The following AFF3 variants were observed in gnomAD, a reference collection of about 807,000 sequenced individuals.
The protein encoded by AFF3 is AF4/FMR2 family member 3.
In AFF3, 32 loss-of-function variants were observed where a neutral mutation model predicts 129.7. That is an observed-to-expected ratio of 0.25 (90% CI 0.19 to 0.33). The LOEUF is 0.33. Among genes scored for constraint, AFF3 ranks in the 10% least tolerant of loss-of-function variants. The probability of loss-of-function intolerance (pLI) is 1.00; values close to 1 mark genes in which losing one functional copy is unlikely to be tolerated. For missense variants in AFF3, 1,373 were observed against 1,592.0 expected (o/e 0.86, Z 2.34); for synonymous variants, 644 against 635.4 (o/e 1.01, Z -0.20).
intron 9 of AFF3, 36 bp downstream of exon 9, chr2:99,752,185 T>C: frequency 6.4e-7 from 1 of 1,555,190 alleles, no homozygotes; most frequent in Non-Finnish European, 8.9e-7. Flanking sequence ...CCTGCATGAG[T>C]GAAACATATT....
intron 7 of AFF3, among the ~76,000 whole-genome samples, chr2:99,879,451 T>C (rs1180419409): frequency 6.6e-6 from 1 of 152,188 alleles, no homozygotes; most frequent in Non-Finnish European, 1.5e-5. Flanking sequence ...AAGCACTACA[T>C]TAAAAACTAC....
At chr2:99,777,213 T>C (rs963718764) in intron 8 of AFF3, among the ~76,000 whole-genome samples, 2 of 152,124 alleles carry the variant, frequency 1.3e-5, no homozygotes, top group Non-Finnish European at 2.9e-5. Flanking sequence ...CACGCTGAGT[T>C]CCTACCCAGG....
At chr2:99,681,720 T>G (rs1005598463) in intron 11 of AFF3, among the ~76,000 whole-genome samples, 1 of 152,200 alleles carries the variant, frequency 6.6e-6, no homozygotes, top group Non-Finnish European at 1.5e-5. Context: ...ATCTCGTTCC[T>G]TGATCTTGGA....
intron 14 of AFF3, among the ~76,000 whole-genome samples, chr2:99,596,654 G>A (rs981447000): frequency 5.3e-5 from 8 of 152,160 alleles, no homozygotes; most frequent in Non-Finnish European, 1.0e-4. Context: ...GCTACCATCC[G>A]GAGCCTTCTA....
chr2:100,137,398 T>G (rs1383610844), intron 1 of AFF3, among the ~76,000 whole-genome samples: 1 of 152,198 alleles, frequency 6.6e-6, no homozygotes, highest in Non-Finnish European at 1.5e-5. Context: ...AATATTGCCA[T>G]GGTATTTAGA....
intron 7 of AFF3, among the ~76,000 whole-genome samples, chr2:99,933,640 C>A (rs931371578): frequency 6.6e-6 from 1 of 152,246 alleles, no homozygotes; most frequent in Middle Eastern, 3.4e-3. Context: ...ATGATGGTTT[C>A]CAGCTTCATC....
chr2:99,761,708 C>G (rs997545862), intron 8 of AFF3, among the ~76,000 whole-genome samples: 3 of 152,200 alleles, frequency 2.0e-5, no homozygotes, highest in African/African-American at 7.2e-5. Context: ...AAATTTAAGC[C>G]ATGTTTTCAT....
chr2:99,960,984 C>T (rs776956131), intron 7 of AFF3, among the ~76,000 whole-genome samples: 21 of 152,206 alleles, frequency 1.4e-4, no homozygotes, highest in African/African-American at 3.1e-4. Flanking sequence ...AGGCAATGCC[C>T]TTCCACAGGG....
At chr2:100,082,371 C>CA in intron 4 of AFF3, among the ~76,000 whole-genome samples, 1 of 151,782 alleles carries the variant, frequency 6.6e-6, no homozygotes, top group East Asian at 1.9e-4. Flanking sequence ...TCCAAATTCC[C>CA]AAAGTCTAAC....
chr2:99,786,281 G>A (rs753405604), intron 8 of AFF3, among the ~76,000 whole-genome samples: 25 of 152,082 alleles, frequency 1.6e-4, no homozygotes, highest in Non-Finnish European at 2.5e-4. Context: ...GATTGATAAC[G>A]GTATTTGACT....
chr2:99,956,709 T>C (rs1676681703), intron 7 of AFF3, among the ~76,000 whole-genome samples: 1 of 152,226 alleles, frequency 6.6e-6, no homozygotes, highest in Non-Finnish European at 1.5e-5. Context: ...CCATCTCTAT[T>C]CATGACAGAA....
intron 8 of AFF3, among the ~76,000 whole-genome samples, chr2:99,806,461 A>G (rs1686358077): frequency 2.0e-5 from 3 of 152,194 alleles, no homozygotes; most frequent in South Asian, 2.1e-4. Flanking sequence ...CCCCAGGAGC[A>G]TGGAGGAGGA....
chr2:100,136,052 A>G (rs1692629133), intron 1 of AFF3, among the ~76,000 whole-genome samples: 1 of 152,106 alleles, frequency 6.6e-6, no homozygotes, highest in African/African-American at 2.4e-5. Context: ...ATGTGAGAAA[A>G]CTGTGGGAGG....
rs12232979 is a variant in AFF3 at position 99,932,472 on chromosome 2, A to G, written c.873+74160T>C. ...AGTTATTTGGGTAACAGACACAGCC[A>G]TGAGAATGTTCCGCTCCACAGGGGC... On this transcript the variant is annotated intron_variant, in intron 7 of 24. Coordinates refer to ENST00000672756, the MANE Select transcript of AFF3 (RefSeq NM_001386135.1). 2.5e-3 allele frequency among the ~76,000 whole-genome samples: 378 copies of G among 152,328 alleles called. 12 individuals are homozygous for G. The East Asian group carries it at 0.066, about 27-fold the overall frequency.
At chr2:100,031,346 T>C (rs369131661) in intron 4 of AFF3, among the ~76,000 whole-genome samples, 1 of 152,172 alleles carries the variant, frequency 6.6e-6, no homozygotes, top group African/African-American at 2.4e-5. Flanking sequence ...GAATGATCCA[T>C]GTGATAAATG....
At position 100,007,491 on chromosome 2, in the gene AFF3, G is replaced by T. The variant is rs765306518; in HGVS notation, c.175-31C>A. On this transcript the variant is annotated intron_variant, in intron 5 of 24. Transcript: ENST00000672756. ...GAAAGAAAAACACATCCACGCTATTGTTAGAGACAACAGAAACACCGGAGA... is the reference window on the plus strand; with the variant it reads ...GAAAGAAAAACACATCCACGCTATTTTTAGAGACAACAGAAACACCGGAGA... 11 of 1,577,930 alleles carry T rather than the reference G, an allele frequency of 7.0e-6. No homozygotes were observed. In the Admixed American group the frequency reaches 1.6e-4, roughly 22 times the overall value.
intron 13 of AFF3, among the ~76,000 whole-genome samples, chr2:99,642,377 T>G (rs1287164484): frequency 6.6e-6 from 1 of 152,158 alleles, no homozygotes; most frequent in Non-Finnish European, 1.5e-5. Context: ...GTTTGGATTC[T>G]ATAACATCCA....
At chr2:99,852,970 G>A (rs1029313217) in intron 7 of AFF3, among the ~76,000 whole-genome samples, 38 of 151,912 alleles carry the variant, frequency 2.5e-4, no homozygotes, top group African/African-American at 8.5e-4. Context: ...TAGCTTTATC[G>A]CAGCCATTTT....
intron 7 of AFF3, among the ~76,000 whole-genome samples, chr2:99,923,787 A>G (rs1696031024): frequency 6.6e-6 from 1 of 152,208 alleles, no homozygotes; most frequent in Non-Finnish European, 1.5e-5. Context: ...GTTATGGCCT[A>G]CCGCAATATG....
Sources: gnomAD v4.1 joint callset for allele counts (sites outside exome capture counted in the v4.1 genomes callset) on GRCh38, gnomAD v4.1.1 for gene constraint, MANE v1.5 for transcripts, NCBI Gene and HGNC (gene_info 2026-07-23, HGNC 2026-07-21) for gene names.